The following KIAA0825 variants were observed in gnomAD, a reference collection of about 807,000 sequenced individuals.
KIAA0825 encodes uncharacterized protein KIAA0825.
Under a neutral mutation model 147.6 loss-of-function variants are expected in KIAA0825, and 119 were observed. That is an observed-to-expected ratio of 0.81 (90% CI 0.69 to 0.94). The LOEUF (loss-of-function observed/expected upper bound fraction) is 0.94, where lower values mean the gene tolerates loss of function less well. Ranked by LOEUF, KIAA0825 falls within the 40% of genes least tolerant of loss-of-function variation. KIAA0825 has a pLI of 0.00. For synonymous variants in KIAA0825, 470 were observed against 518.1 expected (o/e 0.91, Z 1.26); for missense variants, 1,381 against 1,472.7 (o/e 0.94, Z 1.02).
At chr5:94,321,050 G>A (rs1780137487) in intron 20 of KIAA0825, among the ~76,000 whole-genome samples, 1 of 151,954 alleles carries the variant, frequency 6.6e-6, no homozygotes, top group Non-Finnish European at 1.5e-5. Flanking sequence ...ACTTTTCCTA[G>A]TGAGATTTTG....
chr5:94,388,908 C>T (rs1749539304), intron 18 of KIAA0825, among the ~76,000 whole-genome samples: 1 of 152,170 alleles, frequency 6.6e-6, no homozygotes, highest in Admixed American at 6.5e-5. Flanking sequence ...CACTGAAGAG[C>T]TCTGTCAGTC....
chr5:94,400,294 T>C (rs1453452023), intron 16 of KIAA0825, among the ~76,000 whole-genome samples: 1 of 152,196 alleles, frequency 6.6e-6, no homozygotes, highest in African/African-American at 2.4e-5. Flanking sequence ...TGCAATATTT[T>C]ACATCATGTT....
At chr5:94,372,474 G>T (rs970150166) in intron 20 of KIAA0825, among the ~76,000 whole-genome samples, 8 of 152,182 alleles carry the variant, frequency 5.3e-5, no homozygotes, top group Non-Finnish European at 1.2e-4. Context: ...CTGTGCACCC[G>T]CAGTACCAAA....
intron 20 of KIAA0825, among the ~76,000 whole-genome samples, chr5:94,172,138 T>TG (rs1333244324): frequency 5.9e-5 from 9 of 151,730 alleles, no homozygotes; most frequent in African/African-American, 2.2e-4. Context: ...TAAATTAGAG[T>TG]GGAAAAAGTA....
intron 20 of KIAA0825, among the ~76,000 whole-genome samples, chr5:94,283,469 G>A (rs371630917): frequency 5.3e-5 from 8 of 152,054 alleles, no homozygotes; most frequent in South Asian, 4.2e-4. Context: ...GAATAATTAC[G>A]GAAATCATGC....
chr5:94,379,170 T>C (rs997283967), intron 20 of KIAA0825, among the ~76,000 whole-genome samples: 1 of 152,210 alleles, frequency 6.6e-6, no homozygotes, highest in Non-Finnish European at 1.5e-5. Flanking sequence ...CATCGTGAAA[T>C]CTTTGCCAAG....
At chr5:94,581,425 T>A (rs1043389963) in intron 2 of KIAA0825, among the ~76,000 whole-genome samples, 11 of 152,314 alleles carry the variant, frequency 7.2e-5, no homozygotes, top group African/African-American at 2.4e-4. Context: ...CACATGCATT[T>A]TTTAATGACC....
chr5:94,214,193 A>C (rs1374385205), intron 20 of KIAA0825, among the ~76,000 whole-genome samples: 5 of 152,112 alleles, frequency 3.3e-5, no homozygotes, highest in Admixed American at 6.5e-5. Flanking sequence ...GTATATGCAT[A>C]AATGAGTAAA....
At position 94,473,352 on chromosome 5, in the gene KIAA0825, C is replaced by G; in HGVS notation, c.1395G>C (p.Gln465His). Reference sequence around the variant, plus strand: ...ACATATGGCTGTCTTGCCAAACTTGCTGGACATTTACAAGGTTCATAGCAT... The same window carrying G: ...ACATATGGCTGTCTTGCCAAACTTGGTGGACATTTACAAGGTTCATAGCAT... ...VSYAMNLVNV[Q>H]QVWQDSHMFP... The change falls in exon 8 of 21, where the codon CAG becomes CAC. Residue 465 changes from glutamine to histidine, a missense_variant. Transcript: ENST00000682413. 6.4e-7 allele frequency: 1 copy of G among 1,551,854 alleles called. No individual in the cohort carries two copies. The highest frequency in any genetic ancestry group is 8.7e-7 in the Non-Finnish European group (1 of 1,147,028).
intron 20 of KIAA0825, among the ~76,000 whole-genome samples, chr5:94,199,266 T>C (rs1771437141): frequency 6.6e-6 from 1 of 152,082 alleles, no homozygotes; most frequent in South Asian, 2.1e-4. Flanking sequence ...ATAAGTTGGG[T>C]TTATTCAACT....
chr5:94,249,294 C>T (rs1775814711), intron 20 of KIAA0825, among the ~76,000 whole-genome samples: 1 of 152,092 alleles, frequency 6.6e-6, no homozygotes, highest in African/African-American at 2.4e-5. Flanking sequence ...ACTAATCTCT[C>T]ACAAAGTATA....
chr5:94,463,598 T>C (rs1050805678), intron 11 of KIAA0825, among the ~76,000 whole-genome samples: 1 of 151,306 alleles, frequency 6.6e-6, no homozygotes, highest in Non-Finnish European at 1.5e-5. Context: ...CTGATTTCCA[T>C]AATAATGGTG....
chr5:94,470,507 T>C (rs1359418169), intron 9 of KIAA0825, among the ~76,000 whole-genome samples: 1 of 152,228 alleles, frequency 6.6e-6, no homozygotes, highest in Middle Eastern at 3.2e-3. Flanking sequence ...AGCTATCAAA[T>C]GTCCCACAAA....
chr5:94,538,191 T>C (rs1772487391), intron 2 of KIAA0825, among the ~76,000 whole-genome samples: 1 of 152,182 alleles, frequency 6.6e-6, no homozygotes, highest in Non-Finnish European at 1.5e-5. Flanking sequence ...TCAAAAATCA[T>C]ACGGTGAGAA....
At chr5:94,453,253 A>T (rs1002033459) in intron 12 of KIAA0825, among the ~76,000 whole-genome samples, 184 bp from the exon 13 acceptor site, 2 of 151,758 alleles carry the variant, frequency 1.3e-5, no homozygotes, top group Admixed American at 6.6e-5. Context: ...GCTCACTGCA[A>T]CCTCTGCCTC....
At chr5:94,442,003 T>C (rs1253723067) in intron 13 of KIAA0825, among the ~76,000 whole-genome samples, 1 of 152,204 alleles carries the variant, frequency 6.6e-6, no homozygotes. Flanking sequence ...TCGAACTTTG[T>C]GAAGACACTG....
At chr5:94,571,488 A>C (rs1779959334) in intron 2 of KIAA0825, among the ~76,000 whole-genome samples, 1 of 152,242 alleles carries the variant, frequency 6.6e-6, no homozygotes, top group African/African-American at 2.4e-5. Context: ...TGCACAAGAA[A>C]ACTTGAAACT....
At chr5:94,314,975 T>C (rs957071572) in intron 20 of KIAA0825, among the ~76,000 whole-genome samples, 26 of 151,606 alleles carry the variant, frequency 1.7e-4, no homozygotes, top group African/African-American at 5.8e-4. Context: ...CTCTCTCTCA[T>C]TGGCAGCGGA....
intron 20 of KIAA0825, among the ~76,000 whole-genome samples, chr5:94,249,087 A>AT (rs1775801749): frequency 6.6e-6 from 1 of 152,074 alleles, no homozygotes; most frequent in Non-Finnish European, 1.5e-5. Context: ...GAGAAGGCAA[A>AT]TTCCTTTTAG....
Sources: gnomAD v4.1 joint callset for allele counts (sites outside exome capture counted in the v4.1 genomes callset) on GRCh38, gnomAD v4.1.1 for gene constraint, MANE v1.5 for transcripts, NCBI Gene and HGNC (gene_info 2026-07-23, HGNC 2026-07-21) for gene names.